Variants in RANBP2 observed in about 807,000 individuals in gnomAD.
RANBP2 encodes the protein E3 SUMO-protein ligase RanBP2.
In RANBP2, 57 loss-of-function variants were observed where a neutral mutation model predicts 303.6. The observed-to-expected ratio is 0.19, with a 90% CI of 0.15 to 0.23. RANBP2 has a LOEUF of 0.23. Among genes scored for constraint, RANBP2 ranks in the 10% least tolerant of loss-of-function variants. The probability of loss-of-function intolerance (pLI) is 1.00; values close to 1 mark genes in which losing one functional copy is unlikely to be tolerated. For synonymous variants in RANBP2, 1,167 were observed against 1,301.5 expected (o/e 0.90, Z 2.23); for missense variants, 3,138 against 3,780.8 (o/e 0.83, Z 4.46).
At chr2:108,816,022 C>T in the RANBP2 span, 2 of 1,613,560 alleles carry the variant, frequency 1.2e-6, no homozygotes. Context: ...CAAAGTGAAA[C>T]ATGAAGAATC....
the RANBP2 span, chr2:109,436,759 T>C: frequency 7.3e-7 from 1 of 1,377,112 alleles, no homozygotes; most frequent in South Asian, 1.5e-5. Flanking sequence ...GGCATTGTTT[T>C]AGGACCTCGT....
chr2:109,177,441 G>T, the RANBP2 span, among the ~76,000 whole-genome samples: 1 of 152,178 alleles, frequency 6.6e-6, no homozygotes, highest in Non-Finnish European at 1.5e-5. Context: ...CTTGGGGCCT[G>T]TGATCTGCCA....
At chr2:109,434,998 T>C in the RANBP2 span, among the ~76,000 whole-genome samples, 1 of 152,144 alleles carries the variant, frequency 6.6e-6, no homozygotes, top group African/African-American at 2.4e-5. Context: ...TCCCTCTACC[T>C]CTGCTGTGCA....
chr2:109,421,671 GCA>G, the RANBP2 span, among the ~76,000 whole-genome samples: 1 of 152,202 alleles, frequency 6.6e-6, no homozygotes, highest in African/African-American at 2.4e-5. Flanking sequence ...CCAGGGGAGG[GCA>G]CTTTCCACTC....
chr2:109,553,306 A>G, the RANBP2 span: 7 of 1,383,902 alleles, frequency 5.1e-6, no homozygotes, highest in Admixed American at 2.0e-5. Flanking sequence ...ACACTTTGGG[A>G]GGCCGAGGCA....
chr2:109,174,682 A>G, the RANBP2 span, among the ~76,000 whole-genome samples: 1 of 152,182 alleles, frequency 6.6e-6, no homozygotes, highest in Non-Finnish European at 1.5e-5. Context: ...GGAAGATGAT[A>G]TTTTCAGGAT....
At chr2:108,996,552 A>G in the RANBP2 span, among the ~76,000 whole-genome samples, 1 of 152,174 alleles carries the variant, frequency 6.6e-6, no homozygotes, top group South Asian at 2.1e-4. Context: ...CATACCCCAG[A>G]CGGGATCTAG....
the RANBP2 span, among the ~76,000 whole-genome samples, chr2:109,140,056 G>A: frequency 2.0e-5 from 3 of 152,194 alleles, no homozygotes; most frequent in African/African-American, 4.8e-5. Flanking sequence ...TGACAAGGCT[G>A]GGGTGAAGAG....
chr2:109,524,140 CT>C, the RANBP2 span, among the ~76,000 whole-genome samples: 1 of 152,166 alleles, frequency 6.6e-6, no homozygotes. Context: ...AGGTCAGGGC[CT>C]AGTGGCGCAA....
the RANBP2 span, among the ~76,000 whole-genome samples, chr2:109,514,948 C>G: frequency 6.6e-6 from 1 of 151,708 alleles, no homozygotes; most frequent in Non-Finnish European, 1.5e-5. Context: ...CTCCTCAAGC[C>G]TCTGACTTCC....
chr2:108,753,997 G>A (rs754658219), intron 15 of RANBP2, 26 bp downstream of exon 15: 19 of 1,611,420 alleles, frequency 1.2e-5, no homozygotes, highest in East Asian at 6.7e-5. Context: ...TTGTATGTAC[G>A]TTCTTACTGA....
chr2:108,826,499 G>A, the RANBP2 span, among the ~76,000 whole-genome samples: 5 of 152,050 alleles, frequency 3.3e-5, no homozygotes, highest in Non-Finnish European at 4.4e-5. Context: ...AGCATCATTA[G>A]TTGAAAAATC....
chr2:109,584,553 T>C, the RANBP2 span, among the ~76,000 whole-genome samples: 1 of 152,146 alleles, frequency 6.6e-6, no homozygotes, highest in African/African-American at 2.4e-5. Flanking sequence ...TACCAATCCT[T>C]TTCCCCCTTT....
intron 7 of RANBP2, among the ~76,000 whole-genome samples, chr2:108,742,347 A>G (rs1696178747): frequency 6.6e-6 from 1 of 152,026 alleles, no homozygotes; most frequent in Non-Finnish European, 1.5e-5. Context: ...CTCTGTCACC[A>G]GGCTGGAGTG....
chr2:109,447,877 G>A, the RANBP2 span, among the ~76,000 whole-genome samples: 1 of 152,190 alleles, frequency 6.6e-6, no homozygotes, highest in Admixed American at 6.5e-5. Context: ...GCAAGGTGGT[G>A]GATCCACAGT....
the RANBP2 span, among the ~76,000 whole-genome samples, chr2:109,562,348 C>T: frequency 6.6e-6 from 1 of 151,996 alleles, no homozygotes; most frequent in Admixed American, 6.6e-5. Flanking sequence ...AACCTCCTAA[C>T]TTGGTCTCCC....
chr2:108,979,725 G>A, the RANBP2 span, among the ~76,000 whole-genome samples: 1,352 of 152,288 alleles, frequency 8.9e-3, 27 homozygotes, highest in African/African-American at 0.031. Flanking sequence ...AGCAGGTCCA[G>A]GCAGCAGTAG....
the RANBP2 span, among the ~76,000 whole-genome samples, chr2:109,381,593 CT>C: frequency 6.6e-6 from 1 of 152,014 alleles, no homozygotes. Flanking sequence ...CCTTTCACTT[CT>C]ACCTTTCCTG....
At chr2:108,857,911 G>A in the RANBP2 span, among the ~76,000 whole-genome samples, 2 of 152,282 alleles carry the variant, frequency 1.3e-5, no homozygotes, top group South Asian at 4.1e-4. Flanking sequence ...CGTTGTCAAA[G>A]GAAAACAAAA....
Sources: allele counts gnomAD v4.1 joint callset (sites outside exome capture counted in the v4.1 genomes callset), GRCh38; gene constraint gnomAD v4.1.1; transcripts MANE v1.5; gene names NCBI Gene and HGNC (gene_info 2026-07-23, HGNC 2026-07-21).